TADA2A: variants seen among roughly 807,000 people sequenced by gnomAD.
TADA2A encodes transcriptional adaptor 2A.
In TADA2A, 38 loss-of-function variants were observed where a neutral mutation model predicts 67.4. The ratio of observed to expected loss-of-function variants is 0.56; its 90% CI spans 0.44 to 0.74. TADA2A has a LOEUF of 0.74. TADA2A is among the 30% of genes least tolerant of loss of function. The pLI, the probability that TADA2A is intolerant of heterozygous loss-of-function variation, is 0.00. For synonymous variants in TADA2A, 192 were observed against 181.6 expected (o/e 1.06, Z -0.46); for missense variants, 454 against 547.0 (o/e 0.83, Z 1.70).
At chr17:37,421,298 C>A (rs1393101329) in intron 2 of TADA2A, among the ~76,000 whole-genome samples, 1 of 145,932 alleles carries the variant, frequency 6.9e-6, no homozygotes, top group Non-Finnish European at 1.5e-5. Context: ...AACACCTGAG[C>A]CTGGGGAGAT....
At chr17:37,460,119 G>A (rs1372833574) in intron 9 of TADA2A, among the ~76,000 whole-genome samples, 1 of 147,804 alleles carries the variant, frequency 6.8e-6, no homozygotes, top group Non-Finnish European at 1.5e-5. Context: ...TCACAATGTT[G>A]CCTGGGCTGG....
intron 10 of TADA2A, among the ~76,000 whole-genome samples, chr17:37,462,574 G>A (rs2053571143): frequency 6.6e-6 from 1 of 152,174 alleles, no homozygotes; most frequent in African/African-American, 2.4e-5. Flanking sequence ...AAAGGTTGCA[G>A]TGAGCCGAGA....
chr17:37,412,083 C>T (rs1363306159), intron 2 of TADA2A, among the ~76,000 whole-genome samples: 1 of 151,670 alleles, frequency 6.6e-6, no homozygotes, highest in African/African-American at 2.4e-5. Context: ...TGGTGGCAGG[C>T]GCCTGTAGTC....
At chr17:37,413,762 C>G (rs936232463) in intron 2 of TADA2A, among the ~76,000 whole-genome samples, 7 of 151,844 alleles carry the variant, frequency 4.6e-5, no homozygotes, top group Non-Finnish European at 2.9e-5. Flanking sequence ...CCACCCCCTG[C>G]CAAATCTAGT....
chr17:37,431,330 G>C (rs748324840), intron 4 of TADA2A, among the ~76,000 whole-genome samples: 28 of 151,844 alleles, frequency 1.8e-4, no homozygotes, highest in Non-Finnish European at 3.7e-4. Flanking sequence ...GATGTACTTA[G>C]GCTGAAAGTC....
At chr17:37,476,114 GTATC>G (rs2053887771) in intron 15 of TADA2A, among the ~76,000 whole-genome samples, 1 of 152,174 alleles carries the variant, frequency 6.6e-6, no homozygotes, top group Non-Finnish European at 1.5e-5. Flanking sequence ...AATGTATGTA[GTATC>G]TATGTATTGC....
At chr17:37,475,760 G>C (rs1021937202) in intron 15 of TADA2A, among the ~76,000 whole-genome samples, 1 of 152,104 alleles carries the variant, frequency 6.6e-6, no homozygotes, top group Non-Finnish European at 1.5e-5. Flanking sequence ...CCACTGCACC[G>C]GCCTGATTAA....
intron 8 of TADA2A, among the ~76,000 whole-genome samples, chr17:37,450,933 C>T (rs2053215080): frequency 6.6e-6 from 1 of 152,160 alleles, no homozygotes; most frequent in African/African-American, 2.4e-5. Context: ...CTATGTGTTT[C>T]TTTTCTTCCT....
chr17:37,425,627 T>A (rs1219646691), intron 3 of TADA2A, among the ~76,000 whole-genome samples: 1 of 152,108 alleles, frequency 6.6e-6, no homozygotes, highest in Non-Finnish European at 1.5e-5. Flanking sequence ...CTTTCGATTA[T>A]AAGATGAATC....
At position 37,462,074 on chromosome 17, in the gene TADA2A, C is replaced by A. The variant is rs745320090; in HGVS notation, c.669-4C>A. Reference sequence around the variant, plus strand: ...GCACAAATTATTGTGGCTTTTCATTCTAGAATTATAAGAGACCATGGATTA... The same window carrying A: ...GCACAAATTATTGTGGCTTTTCATTATAGAATTATAAGAGACCATGGATTA... On this transcript the variant is annotated splice_polypyrimidine_tract_variant and splice_region_variant and intron_variant, in intron 9 of 15. Coordinates refer to ENST00000615182, the MANE Select transcript of TADA2A (RefSeq NM_001166105.3). 6.4e-7 allele frequency: 1 copy of A among 1,565,700 alleles called. No homozygotes were observed. Among genetic ancestry groups the A allele is most frequent in the Non-Finnish European group, 8.7e-7 (1 of 1,144,290 alleles).
At chr17:37,434,295 G>A (rs1297991065) in intron 4 of TADA2A, among the ~76,000 whole-genome samples, 1 of 152,124 alleles carries the variant, frequency 6.6e-6, no homozygotes, top group Non-Finnish European at 1.5e-5. Context: ...CATATCAGAC[G>A]ATACATAATT....
chr17:37,419,322 C>T (rs2052156612), intron 2 of TADA2A, among the ~76,000 whole-genome samples: 1 of 145,124 alleles, frequency 6.9e-6, no homozygotes, highest in African/African-American at 2.5e-5. Context: ...GCATGCACCA[C>T]TGCACCTGCC....
chr17:37,414,855 G>T (rs559347965), intron 2 of TADA2A, among the ~76,000 whole-genome samples: 1 of 151,568 alleles, frequency 6.6e-6, no homozygotes, highest in Admixed American at 6.6e-5. Context: ...GCAAAGAAAA[G>T]AGGACTGTTT....
intron 11 of TADA2A, 57 bp downstream of exon 11, chr17:37,465,598 A>C (rs551949702): frequency 6.2e-7 from 1 of 1,606,674 alleles, no homozygotes; most frequent in East Asian, 2.2e-5. Flanking sequence ...TATAAATAGG[A>C]GAGATAATGG....
Position 37,470,497 on chromosome 17 carries a change from T to C in TADA2A, c.993T>C (p.Ser331=), listed in dbSNP as rs2053763464. 5 of 1,591,546 alleles carry C rather than the reference T, an allele frequency of 3.1e-6. No homozygotes were observed. Among genetic ancestry groups the C allele is most frequent in the Non-Finnish European group, 4.3e-6 (5 of 1,171,688 alleles). The change falls in exon 13 of 16, where the codon AGT becomes AGC. Residue 331 remains serine (S), a synonymous_variant. Coordinates refer to ENST00000615182, the MANE Select transcript of TADA2A (RefSeq NM_001166105.3). The stretch of plus-strand genomic sequence containing the variant: ...TTCTCCAGTATATCCAGGACAGTAG[T>C]GCTTGCCAGCAGTGGCTCCGCCGGC... ...SEVLQYIQDS[S]ACQQWLRRQA...
In TADA2A at chr17:37,440,455, TTA is replaced by T. The variant is rs1326152677; in HGVS notation, c.285-48_285-47del. On this transcript the variant is annotated intron_variant, in intron 5 of 15. Transcript: ENST00000615182. ...AAAAGAGCAAATGATGCTTTTAGTA[TTA>T]TGTGTAAATACAAGTACCACTTCTC... 2.5e-6 allele frequency: 4 copies of T among 1,594,368 alleles called. No individual in the cohort carries two copies. In the East Asian group the frequency reaches 9.0e-5, roughly 36 times the overall value.
intron 4 of TADA2A, among the ~76,000 whole-genome samples, chr17:37,432,458 C>A (rs190998532): frequency 6.6e-6 from 1 of 152,210 alleles, no homozygotes; most frequent in East Asian, 1.9e-4. Flanking sequence ...TGAGCCACCG[C>A]GCCTGGACTC....
chr17:37,413,846 T>C (rs1471603756), intron 2 of TADA2A, among the ~76,000 whole-genome samples: 1 of 152,160 alleles, frequency 6.6e-6, no homozygotes, highest in Non-Finnish European at 1.5e-5. Context: ...AGGGTTGTTA[T>C]ATAGGTAAAC....
chr17:37,470,433 G>T lies in TADA2A; in HGVS notation c.929G>T (p.Arg310Leu). ...ARTYDHLKKTREEERLKRTML... is the reference protein window; with the variant it reads ...ARTYDHLKKTLEEERLKRTML... Reference sequence around the variant, plus strand: ...ACCTACGATCACCTCAAGAAGACACGGGAGGAAGAGCGCCTTAAACGCACT... The same window carrying T: ...ACCTACGATCACCTCAAGAAGACACTGGAGGAAGAGCGCCTTAAACGCACT... The change falls in exon 13 of 16, where the codon CGG becomes CTG. Residue 310 changes from arginine (R) to leucine (L), a missense_variant. By Grantham distance (102) the Arg-to-Leu change is moderately radical (BLOSUM62 -2). This residue lies in a region of TADA2A where 403 missense variants were observed against 455.5 expected (regional missense o/e 0.88). Transcript: ENST00000615182. 1 of 1,613,630 alleles carries T rather than the reference G, an allele frequency of 6.2e-7. No individual in the cohort carries two copies. The highest frequency in any genetic ancestry group is 8.5e-7 in the Non-Finnish European group (1 of 1,179,834).
Sources: gnomAD v4.1 joint callset for allele counts (sites outside exome capture counted in the v4.1 genomes callset) on GRCh38, gnomAD v4.1.1 for gene constraint, gnomAD v4.1.1 regional missense constraint, MANE v1.5 for transcripts, NCBI Gene and HGNC (gene_info 2026-07-23, HGNC 2026-07-21) for gene names.